PDZD2: variants seen among roughly 807,000 people sequenced by gnomAD.
PDZD2 encodes the protein PDZ domain-containing protein 2.
PDZD2 carries 90 observed loss-of-function variants against 220.7 expected under a neutral mutation model. The observed-to-expected ratio is 0.41, with a 90% CI of 0.34 to 0.49. The LOEUF is 0.49. Ranked by LOEUF, PDZD2 falls within the 20% of genes least tolerant of loss-of-function variation. PDZD2 has a pLI of 0.28. For missense variants in PDZD2, 3,174 were observed against 3,608.5 expected (o/e 0.88, Z 3.08); for synonymous variants, 1,375 against 1,450.5 (o/e 0.95, Z 1.18).
intron 10 of PDZD2, among the ~76,000 whole-genome samples, chr5:32,055,874 C>T (rs1739040637): frequency 6.6e-6 from 1 of 152,106 alleles, no homozygotes; most frequent in African/African-American, 2.4e-5. Context: ...TCTAACAGAG[C>T]ATTTTTATAA....
At chr5:31,843,867 C>T (rs1433854273) in intron 2 of PDZD2, 2 of 152,156 alleles carry the variant, frequency 1.3e-5, no homozygotes, top group Non-Finnish European at 2.9e-5. Context: ...GGAGAGGAAG[C>T]CACGTTTTTC....
At chr5:31,863,566 G>A (rs148855562) in intron 2 of PDZD2, among the ~76,000 whole-genome samples, 1 of 152,322 alleles carries the variant, frequency 6.6e-6, no homozygotes, top group East Asian at 1.9e-4. Context: ...GAAAATGTAA[G>A]TGGAAAAATG....
chr5:31,858,067 C>G (rs890458758), intron 2 of PDZD2, among the ~76,000 whole-genome samples: 1 of 152,182 alleles, frequency 6.6e-6, no homozygotes, highest in East Asian at 1.9e-4. Context: ...CTCAGGTGAT[C>G]TGCCCGTCTT....
chr5:32,022,736 A>G (rs113574141), intron 6 of PDZD2, among the ~76,000 whole-genome samples: 1,881 of 152,254 alleles, frequency 0.012, 34 homozygotes, highest in African/African-American at 0.041. Context: ...GAAATTTTGA[A>G]GTCTGTCCAG....
chr5:31,666,210 G>A (rs1053586320), intron 1 of PDZD2, among the ~76,000 whole-genome samples: 6 of 152,234 alleles, frequency 3.9e-5, no homozygotes, highest in Non-Finnish European at 7.3e-5. Context: ...GGAGGAGAAG[G>A]ACATGGTTAT....
At chr5:31,682,897 T>C (rs1746704432) in intron 1 of PDZD2, among the ~76,000 whole-genome samples, 2 of 151,914 alleles carry the variant, frequency 1.3e-5, no homozygotes, top group African/African-American at 2.4e-5. Flanking sequence ...AAAGACCCCT[T>C]CTCCCGATCA....
chr5:31,655,936 G>T (rs1561366083), intron 1 of PDZD2, among the ~76,000 whole-genome samples: 1 of 152,232 alleles, frequency 6.6e-6, no homozygotes, highest in Non-Finnish European at 1.5e-5. Context: ...TAGAAAGGAA[G>T]TTTGTGTTGT....
At position 32,088,074 on chromosome 5, in the gene PDZD2, C is replaced by T. The variant is rs1742690901; in HGVS notation, c.4626C>T (p.Asp1542=). The T allele has an allele frequency of 6.2e-7, 1 of 1,614,018 alleles. No homozygotes were observed. The highest frequency in any genetic ancestry group is 8.5e-7 in the Non-Finnish European group (1 of 1,179,952). ...GCACCTCCCTATCAGGCCTGGGTGA[C>T]AGCACGGAGCCGTCTCTGTCATCCA... The part of the protein sequence containing the change: ...EDSTSLSGLG[D]STEPSLSSMY... The change falls in exon 20 of 25, where the codon GAC becomes GAT. Residue 1542 remains aspartate, a synonymous_variant. Coordinates refer to ENST00000438447, the MANE Select transcript of PDZD2 (RefSeq NM_178140.4). This position sits in a 1 kb window ranked among gnomAD's most constrained non-coding sequence, Gnocchi z 4.6.
chr5:31,839,748 G>A (rs1757156333), intron 2 of PDZD2, among the ~76,000 whole-genome samples: 1 of 152,188 alleles, frequency 6.6e-6, no homozygotes, highest in African/African-American at 2.4e-5. Context: ...CCCATGCGGA[G>A]TGGGAGGGAC....
At chr5:31,867,985 T>C (rs1738384827) in intron 2 of PDZD2, among the ~76,000 whole-genome samples, 1 of 152,052 alleles carries the variant, frequency 6.6e-6, no homozygotes, top group Non-Finnish European at 1.5e-5. Flanking sequence ...GAGTTTTAAC[T>C]GGGGGATCTC....
intron 6 of PDZD2, among the ~76,000 whole-genome samples, chr5:32,033,136 C>T (rs1209140684): frequency 2.0e-5 from 3 of 152,202 alleles, no homozygotes; most frequent in African/African-American, 4.8e-5. Flanking sequence ...TCAACTGTTT[C>T]GCTGAACTGA....
At chr5:31,655,091 G>A (rs1017813016) in intron 1 of PDZD2, among the ~76,000 whole-genome samples, 24 of 152,184 alleles carry the variant, frequency 1.6e-4, no homozygotes, top group South Asian at 1.2e-3. Flanking sequence ...GGAGTCTTCC[G>A]TGCTACCCTA....
chr5:31,780,249 G>C (rs545721191), intron 1 of PDZD2, among the ~76,000 whole-genome samples: 1 of 152,070 alleles, frequency 6.6e-6, no homozygotes, highest in Admixed American at 6.5e-5. Flanking sequence ...AGAGTGGGGT[G>C]GGGGGTGGAG....
chr5:31,748,492 C>G (rs993186339), intron 1 of PDZD2, among the ~76,000 whole-genome samples: 3 of 152,190 alleles, frequency 2.0e-5, no homozygotes, highest in Non-Finnish European at 2.9e-5. Flanking sequence ...AGCCCAAACC[C>G]AAGCTGCTCT....
intron 1 of PDZD2, among the ~76,000 whole-genome samples, chr5:31,789,892 T>A (rs1407425844): frequency 6.6e-6 from 1 of 152,044 alleles, no homozygotes; most frequent in Non-Finnish European, 1.5e-5. Flanking sequence ...CATTCCAGTG[T>A]GGGCAACAAG....
intron 24 of PDZD2, among the ~76,000 whole-genome samples, chr5:32,104,716 T>TAAAAAAAAAAAA (rs755177769): frequency 3.3e-5 from 1 of 30,098 alleles, no homozygotes; most frequent in African/African-American, 7.8e-5. Flanking sequence ...AGGCTCCATC[T>TAAAAAAAAAAAA]AAAAAAAAAA....
At chr5:31,664,237 A>G (rs1228321693) in intron 1 of PDZD2, among the ~76,000 whole-genome samples, 1 of 152,008 alleles carries the variant, frequency 6.6e-6, no homozygotes, top group Non-Finnish European at 1.5e-5. Flanking sequence ...TCCTGGTCTC[A>G]AGCAGTCCTC....
At chr5:32,040,424 GTC>G (rs1251489198) in intron 7 of PDZD2, among the ~76,000 whole-genome samples, 2 of 140,262 alleles carry the variant, frequency 1.4e-5, no homozygotes, top group Non-Finnish European at 3.1e-5. Flanking sequence ...AGTGAGGAGC[GTC>G]TCTGCCGGAC....
intron 1 of PDZD2, among the ~76,000 whole-genome samples, chr5:31,774,520 C>T (rs932729865): frequency 3.3e-5 from 5 of 151,982 alleles, no homozygotes; most frequent in African/African-American, 1.2e-4. Context: ...TCGAGACCAG[C>T]CTGACCAACA....
Sources: allele counts gnomAD v4.1 joint callset (sites outside exome capture counted in the v4.1 genomes callset), GRCh38; gene constraint gnomAD v4.1.1; non-coding constraint Gnocchi (gnomAD v3.1); transcripts MANE v1.5; gene names NCBI Gene and HGNC (gene_info 2026-07-23, HGNC 2026-07-21).